The following CREBRF variants were observed in gnomAD, a reference collection of about 807,000 sequenced individuals.
CREBRF encodes UPF0474 protein C5orf41.
Under a neutral mutation model 66.1 loss-of-function variants are expected in CREBRF, and 5 were observed. The ratio of observed to expected loss-of-function variants is 0.08; its 90% CI spans 0.04 to 0.16. The LOEUF is 0.16. Ranked by LOEUF, CREBRF falls within the 10% of genes least tolerant of loss-of-function variation. The pLI is 1.00. For missense variants in CREBRF, 531 were observed against 744.9 expected, an observed-to-expected ratio of 0.71 and a Z score of 3.34; for synonymous variants, 229 against 264.4, an observed-to-expected ratio of 0.87 and a Z score of 1.30.
At chr5:173,101,599 C>G (rs904126965) in intron 4 of CREBRF, among the ~76,000 whole-genome samples, 1 of 151,590 alleles carries the variant, frequency 6.6e-6, no homozygotes, top group African/African-American at 2.4e-5. Context: ...GTCGCCCAGG[C>G]TGGAGTGCAG....
chr5:173,125,527 T>C (rs1759249029), intron 8 of CREBRF, among the ~76,000 whole-genome samples: 1 of 152,204 alleles, frequency 6.6e-6, no homozygotes, highest in Non-Finnish European at 1.5e-5. Context: ...TGGTTCAGAA[T>C]AGCTTTTCTT....
intron 6 of CREBRF, 21 bp from the exon 7 acceptor site, chr5:173,112,285 A>G: frequency 6.5e-7 from 1 of 1,538,742 alleles, no homozygotes; most frequent in Non-Finnish European, 8.8e-7. Context: ...AAAGTGAACT[A>G]ACTGCTCCTT....
intron 6 of CREBRF, among the ~76,000 whole-genome samples, chr5:173,111,655 C>G (rs1186210074): frequency 6.6e-6 from 1 of 152,214 alleles, no homozygotes; most frequent in Non-Finnish European, 1.5e-5. Flanking sequence ...TTTATCCATT[C>G]ACCAGTTGAA....
chr5:173,091,325 T>C lies in CREBRF; in HGVS notation c.1146T>C (p.Asn382=). ...GCAGTGAGCATGAACTGTCTGAAAA[T>C]GAGGAGGAGGAAGAAGAGGAAGAGG... ...GFGSEHELSE[N]EEEEEEEEDY... Residue 382 remains asparagine, a synonymous_variant, in exon 4 of 9, where the codon AAT becomes AAC. Transcript: ENST00000296953. 6.2e-7 allele frequency: 1 copy of C among 1,612,838 alleles called. No individual in the cohort carries two copies. The highest frequency in any genetic ancestry group is 8.5e-7 in the Non-Finnish European group (1 of 1,179,372).
At chr5:173,089,857 T>C (rs1316025475) in intron 3 of CREBRF, among the ~76,000 whole-genome samples, 1 of 152,064 alleles carries the variant, frequency 6.6e-6, no homozygotes, top group African/African-American at 2.4e-5. Flanking sequence ...AATGAGGGTG[T>C]CTTTATTATT....
chr5:173,113,736 G>A (rs1439281968), intron 7 of CREBRF, among the ~76,000 whole-genome samples: 1 of 152,148 alleles, frequency 6.6e-6, no homozygotes, highest in Non-Finnish European at 1.5e-5. Flanking sequence ...GAGGCATCAC[G>A]GAATATAACA....
chr5:173,120,687 T>C (rs1285978669), intron 7 of CREBRF, among the ~76,000 whole-genome samples: 7 of 39,384 alleles, frequency 1.8e-4, no homozygotes, highest in African/African-American at 4.8e-4. Context: ...GAGCCTCTTT[T>C]TTTTTTTTTT....
intron 1 of CREBRF, among the ~76,000 whole-genome samples, chr5:173,061,474 G>A (rs1205325166): frequency 6.6e-6 from 1 of 152,108 alleles, no homozygotes; most frequent in Non-Finnish European, 1.5e-5. Flanking sequence ...GCAAATATTG[G>A]TATAAATCCT....
intron 8 of CREBRF, chr5:173,123,437 A>C (rs1334312112): frequency 5.2e-6 from 2 of 387,904 alleles, no homozygotes; most frequent in Non-Finnish European, 9.1e-6. Context: ...ATTTAAGAAA[A>C]ACAAACTTCT....
At chr5:173,110,806 A>G in intron 6 of CREBRF, 95 bp downstream of exon 6, 1 of 825,184 alleles carries the variant, frequency 1.2e-6, no homozygotes, top group Non-Finnish European at 1.9e-6. Flanking sequence ...AAGAAATTGT[A>G]TTTTTCTTGT....
At position 173,133,308 on chromosome 5, in the gene CREBRF, G is replaced by A. The variant is rs921133927; in HGVS notation, c.1805-322G>A. ...AGAACAGGGAAAAACCAGGGCGTGG[G>A]AAGCAGTGCCTGTCGGCAGCCTTTG... On this transcript the variant is annotated intron_variant, in intron 8 of 8. Coordinates refer to ENST00000296953, the MANE Select transcript of CREBRF (RefSeq NM_153607.3). Among the ~76,000 whole-genome samples, 15 of 152,340 alleles carry A rather than the reference G, an allele frequency of 9.8e-5. No individual in the cohort carries two copies. In the East Asian group the frequency reaches 2.7e-3, roughly 27 times the overall value.
chr5:173,112,218 A>T, intron 6 of CREBRF, 88 bp from the exon 7 acceptor site: 1 of 883,576 alleles, frequency 1.1e-6, no homozygotes, highest in South Asian at 2.0e-5. Flanking sequence ...AGCCTGGGCA[A>T]CATAGCGAGA....
chr5:173,072,685 T>G (rs1241579701), intron 1 of CREBRF, among the ~76,000 whole-genome samples: 2 of 151,874 alleles, frequency 1.3e-5, no homozygotes, highest in Non-Finnish European at 2.9e-5. Flanking sequence ...TGCCTCGGCT[T>G]CCCAAAGTGC....
At chr5:173,064,104 T>C (rs1252980392) in intron 1 of CREBRF, among the ~76,000 whole-genome samples, 1 of 152,180 alleles carries the variant, frequency 6.6e-6, no homozygotes, top group East Asian at 1.9e-4. Context: ...ATTCTTGTTG[T>C]ACATATGTTT....
chr5:173,126,788 T>C (rs1759285150), intron 8 of CREBRF, among the ~76,000 whole-genome samples: 1 of 152,252 alleles, frequency 6.6e-6, no homozygotes, highest in Non-Finnish European at 1.5e-5. Flanking sequence ...GTTCCTACCT[T>C]CTTGAATGTT....
At position 173,138,999 on chromosome 5, in the gene CREBRF, T is replaced by G. The variant is rs546529724; in HGVS notation, c.*5254T>G. Reference sequence around the variant, plus strand: ...AATGCTATCATAAATATTCTGTAGTTTTTTTTTTTTCTCTCCCAACTGGAG... The same window carrying G: ...AATGCTATCATAAATATTCTGTAGTGTTTTTTTTTTCTCTCCCAACTGGAG... On this transcript the variant is annotated 3_prime_UTR_variant, in exon 9 of 9. Coordinates refer to ENST00000296953, the MANE Select transcript of CREBRF (RefSeq NM_153607.3). 2.8e-4 allele frequency: 42 copies of G among 151,046 alleles called. No individual in the cohort carries two copies. Among genetic ancestry groups the G allele is most frequent in the African/African-American group, 8.5e-4 (35 of 41,328 alleles). 9.4% of individuals were successfully genotyped at this position (151,046 alleles called of 1,614,324 possible).
At position 173,137,587 on chromosome 5, in the gene CREBRF, G is replaced by T. The variant is rs1759616990; in HGVS notation, c.*3842G>T. The T allele has an allele frequency of 1.3e-5, 2 of 151,932 alleles. No homozygotes were observed. The highest frequency in any genetic ancestry group is 4.1e-4 in the South Asian group (2 of 4,820). The allele number at this position is 151,932 out of a possible 1,614,324, so 9.4% of individuals were successfully genotyped here. ...TTTTCCAGGATTTTTTAGGAGAAGA[G>T]TACCCATTTTGTTTTATAAAAACAG... On this transcript the variant is annotated 3_prime_UTR_variant, in exon 9 of 9. Transcript: ENST00000296953.
intron 8 of CREBRF, among the ~76,000 whole-genome samples, chr5:173,130,960 G>C (rs1038799495): frequency 6.6e-6 from 1 of 152,148 alleles, no homozygotes; most frequent in Non-Finnish European, 1.5e-5. Flanking sequence ...GCCCACCTTG[G>C]CCACCCAAAG....
rs1013499462 is a variant in CREBRF at position 173,139,078 on chromosome 5, T to A, written c.*5333T>A. ...TGTCTCTTGTCTAGAAAGAACTTTA[T>A]CTTGTTGACGCATGAGCTGTTTAAA... On this transcript the variant is annotated 3_prime_UTR_variant, in exon 9 of 9. Transcript: ENST00000296953. 1 of 152,200 alleles carries A rather than the reference T, an allele frequency of 6.6e-6. No individual in the cohort carries two copies. The highest frequency in any genetic ancestry group is 1.5e-5 in the Non-Finnish European group (1 of 68,040). The allele number at this position is 152,200 out of a possible 1,614,324, so 9.4% of individuals were successfully genotyped here. A position where few individuals can be genotyped will look rare whatever the true frequency, so the allele number is the denominator to read the frequency against.
Sources: gnomAD v4.1 joint callset for allele counts (sites outside exome capture counted in the v4.1 genomes callset) on GRCh38, gnomAD v4.1.1 for gene constraint, MANE v1.5 for transcripts, NCBI Gene and HGNC (gene_info 2026-07-23, HGNC 2026-07-21) for gene names.